Variants in STK3 observed in about 807,000 individuals in gnomAD.
The protein encoded by STK3 is serine/threonine-protein kinase 3.
In STK3, 41 loss-of-function variants were observed where a neutral mutation model predicts 58.0. That is an observed-to-expected ratio of 0.71 (90% CI 0.55 to 0.92). STK3 has a LOEUF of 0.92. STK3 is among the 40% of genes least tolerant of loss of function. The pLI is 0.00. For synonymous variants in STK3, 170 were observed against 191.0 expected, an observed-to-expected ratio of 0.89 and a Z score of 0.91; for missense variants, 479 against 602.7, an observed-to-expected ratio of 0.79 and a Z score of 2.15.
At chr8:98,790,820 T>C (rs574075235) in intron 1 of STK3, among the ~76,000 whole-genome samples, 6 of 151,846 alleles carry the variant, frequency 4.0e-5, no homozygotes, top group Non-Finnish European at 8.8e-5. Context: ...CCGTCTCTAC[T>C]AAAAATACAA....
intron 9 of STK3, among the ~76,000 whole-genome samples, chr8:98,540,043 T>C (rs1034700364): frequency 1.3e-5 from 2 of 152,118 alleles, no homozygotes; most frequent in Non-Finnish European, 2.9e-5. Flanking sequence ...CGTGAGCCAC[T>C]GCGCCCGGCC....
chr8:98,799,954 G>C (rs1833413275), intron 1 of STK3, among the ~76,000 whole-genome samples: 1 of 152,192 alleles, frequency 6.6e-6, no homozygotes, highest in South Asian at 2.1e-4. Context: ...CTTCCTAGGG[G>C]AAGAGTGTTG....
chr8:98,576,275 T>C (rs1813391262), intron 8 of STK3, among the ~76,000 whole-genome samples: 1 of 152,248 alleles, frequency 6.6e-6, no homozygotes, highest in Non-Finnish European at 1.5e-5. Flanking sequence ...ATCCTTATGC[T>C]AGTACTACAC....
intron 10 of STK3, among the ~76,000 whole-genome samples, chr8:98,491,725 G>C (rs1822718718): frequency 1.3e-5 from 2 of 152,202 alleles, no homozygotes; most frequent in Non-Finnish European, 2.9e-5. Flanking sequence ...TGGGTTCATA[G>C]GTCAAACAGC....
chr8:98,699,420 T>C (rs1825332036), intron 6 of STK3, among the ~76,000 whole-genome samples: 2 of 152,184 alleles, frequency 1.3e-5, no homozygotes, highest in Non-Finnish European at 2.9e-5. Context: ...TGCGTTCCTT[T>C]GGAGGAGGAG....
chr8:98,593,356 T>C (rs1815499847), intron 7 of STK3, among the ~76,000 whole-genome samples: 1 of 152,212 alleles, frequency 6.6e-6, no homozygotes, highest in South Asian at 2.1e-4. Flanking sequence ...TTACTGGAAA[T>C]GAATATGGTA....
intron 10 of STK3, among the ~76,000 whole-genome samples, chr8:98,480,862 A>G (rs2131277560): frequency 6.6e-6 from 1 of 152,366 alleles, no homozygotes; most frequent in Non-Finnish European, 1.5e-5. Context: ...AAACACATAG[A>G]CATATACATA....
chr8:98,839,563 A>T (rs993514836), intron 3 of STK3, among the ~76,000 whole-genome samples: 1 of 152,220 alleles, frequency 6.6e-6, no homozygotes, highest in Non-Finnish European at 1.5e-5. Flanking sequence ...ATCCATCCCC[A>T]TTACAATCTT....
At chr8:98,609,594 A>G (rs1817025321) in intron 6 of STK3, among the ~76,000 whole-genome samples, 1 of 152,224 alleles carries the variant, frequency 6.6e-6, no homozygotes, top group Non-Finnish European at 1.5e-5. Context: ...AAACATCAAT[A>G]AAATAGATTG....
chr8:98,690,095 A>T (rs1455712262), intron 6 of STK3, among the ~76,000 whole-genome samples: 1 of 152,206 alleles, frequency 6.6e-6, no homozygotes, highest in African/African-American at 2.4e-5. Flanking sequence ...ATCATACTGA[A>T]TGGGCAAAAG....
At chr8:98,377,344 T>A (rs574794542) in intron 2 of STK3, among the ~76,000 whole-genome samples, 1 of 152,212 alleles carries the variant, frequency 6.6e-6, no homozygotes, top group Non-Finnish European at 1.5e-5. Context: ...TTAAATTTTA[T>A]GTAATTTATT....
At chr8:98,851,266 G>C (rs764821512) in intron 3 of STK3, among the ~76,000 whole-genome samples, 1 of 152,178 alleles carries the variant, frequency 6.6e-6, no homozygotes. Flanking sequence ...GAGCTTAAGA[G>C]CATGTGTTTA....
intron 6 of STK3, among the ~76,000 whole-genome samples, chr8:98,698,724 G>A (rs1160400944): frequency 6.6e-6 from 1 of 152,200 alleles, no homozygotes; most frequent in African/African-American, 2.4e-5. Context: ...AGTTTCTGCT[G>A]AGAGATCAGC....
intron 3 of STK3, among the ~76,000 whole-genome samples, chr8:98,874,157 G>A (rs1285474966): frequency 1.3e-5 from 2 of 152,220 alleles, no homozygotes; most frequent in Admixed American, 6.5e-5. Flanking sequence ...CTTTAAGAAT[G>A]TTGAATATTG....
At chr8:98,581,388 C>T (rs1813870113) in intron 7 of STK3, among the ~76,000 whole-genome samples, 1 of 152,144 alleles carries the variant, frequency 6.6e-6, no homozygotes, top group Admixed American at 6.5e-5. Flanking sequence ...TAGGCTCCCA[C>T]ATGGTCTTCA....
chr8:98,485,869 G>T (rs1822215366), intron 10 of STK3, among the ~76,000 whole-genome samples: 1 of 152,136 alleles, frequency 6.6e-6, no homozygotes, highest in Non-Finnish European at 1.5e-5. Flanking sequence ...GAAGTAGGGG[G>T]CCATGAAAGT....
intron 6 of STK3, among the ~76,000 whole-genome samples, chr8:98,683,380 A>G (rs567744711): frequency 6.6e-6 from 1 of 152,156 alleles, no homozygotes; most frequent in South Asian, 2.1e-4. Context: ...TTAAGAAAGA[A>G]AAATCTGAGC....
At chr8:98,433,260 C>T (rs1252345807) in intron 3 of STK3, among the ~76,000 whole-genome samples, 1 of 152,142 alleles carries the variant, frequency 6.6e-6, no homozygotes, top group African/African-American at 2.4e-5. Flanking sequence ...TGCTTTCCTG[C>T]TCAGCACCTC....
intron 3 of STK3, among the ~76,000 whole-genome samples, chr8:98,766,561 G>A (rs2131440820): frequency 6.6e-6 from 1 of 152,186 alleles, no homozygotes; most frequent in South Asian, 2.1e-4. Flanking sequence ...AGAACTACAA[G>A]TCCAAGCTAC....
Sources: gnomAD v4.1 joint callset for allele counts (sites outside exome capture counted in the v4.1 genomes callset) on GRCh38, gnomAD v4.1.1 for gene constraint, MANE v1.5 for transcripts, NCBI Gene and HGNC (gene_info 2026-07-23, HGNC 2026-07-21) for gene names.